PARVG: variants seen among roughly 807,000 people sequenced by gnomAD.
PARVG encodes gamma-parvin.
In PARVG, 36 loss-of-function variants were observed where a neutral mutation model predicts 44.4. That is an observed-to-expected ratio of 0.81 (90% CI 0.62 to 1.07). The LOEUF (loss-of-function observed/expected upper bound fraction) is 1.07, where lower values mean the gene tolerates loss of function less well. Among genes scored for constraint, PARVG ranks in the 50% least tolerant of loss-of-function variants. The pLI is 0.00. For missense variants in PARVG, 407 were observed against 407.4 expected, an observed-to-expected ratio of 1.00 and a Z score of 0.01; for synonymous variants, 170 against 174.1, an observed-to-expected ratio of 0.98 and a Z score of 0.19.
intron 3 of PARVG, chr22:44,185,264 C>T (rs559623457): frequency 6.4e-6 from 1 of 155,210 alleles, no homozygotes; most frequent in Non-Finnish European, 1.4e-5. Context: ...CCCCATGTAC[C>T]TTGGAACTAG....
At chr22:44,191,946 C>T in intron 7 of PARVG, 103 bp from the exon 8 acceptor site, 4 of 1,297,344 alleles carry the variant, frequency 3.1e-6, no homozygotes, top group Admixed American at 1.8e-5. Flanking sequence ...AAGCCAGAGG[C>T]TGTCCTGAGG....
intron 6 of PARVG, among the ~76,000 whole-genome samples, chr22:44,189,730 A>C (rs1391005928): frequency 2.0e-5 from 3 of 152,198 alleles, no homozygotes; most frequent in African/African-American, 7.2e-5. Context: ...CAGCCTGGTC[A>C]ACATGGTGAA....
chr22:44,190,226 T>A (rs900859575), intron 6 of PARVG, among the ~76,000 whole-genome samples: 7 of 152,196 alleles, frequency 4.6e-5, no homozygotes, highest in Non-Finnish European at 8.8e-5. Context: ...GCAGCTGAAA[T>A]CTAATGATCG....
chr22:44,200,846 C>G (rs1307570446), intron 12 of PARVG, among the ~76,000 whole-genome samples: 1 of 151,952 alleles, frequency 6.6e-6, no homozygotes, highest in African/African-American at 2.4e-5. Flanking sequence ...CCCTACCAGA[C>G]TCCCCCTCCA....
At chr22:44,186,654 C>G (rs1384171090) in intron 4 of PARVG, 2 of 471,048 alleles carry the variant, frequency 4.2e-6, no homozygotes, top group African/African-American at 4.0e-5. Context: ...GAGGTGCTGA[C>G]ATGTCGTCTC....
rs201109135 is a variant in PARVG, at chr22:44,183,395, G to A, written c.66G>A (p.Glu22=). Residue 22 remains glutamate, a synonymous_variant, in exon 3 of 14, where the codon GAG becomes GAA. Coordinates refer to ENST00000444313, the MANE Select transcript of PARVG (RefSeq NM_022141.7). ...AGGGGGTGGAGCCCCCAGCGGAGGA[G>A]GAGCTCTCAAAAGGTGTGTGCCCAC... is the stretch of plus-strand genomic sequence containing the variant. The part of the protein sequence containing the change: ...LPKGVEPPAE[E]ELSKGGKKKY... 8.1e-6 allele frequency: 13 copies of A among 1,604,970 alleles called. No homozygotes were observed. The highest frequency in any genetic ancestry group is 1.1e-5 in the Non-Finnish European group (13 of 1,177,342).
chr22:44,186,201 C>G, intron 4 of PARVG: 1 of 306,048 alleles, frequency 3.3e-6, no homozygotes, highest in Non-Finnish European at 6.6e-6. Flanking sequence ...GTCAGGGGCA[C>G]GCAGCTGCCC....
At position 44,181,735 on chromosome 22, in the gene PARVG, G is replaced by A. The variant is rs1020900207; in HGVS notation, c.-188-7G>A. On this transcript the variant is annotated splice_polypyrimidine_tract_variant and splice_region_variant and intron_variant, in intron 1 of 13. Coordinates refer to ENST00000444313, the MANE Select transcript of PARVG (RefSeq NM_022141.7). ...ACGGCATCCACCCCCCTCGGGCCCT[G>A]CCGCAGAGAGGAGGAAGCTCCTGCC... 6 of 985,316 alleles carry A rather than the reference G, an allele frequency of 6.1e-6. No homozygotes were observed. The highest frequency in any genetic ancestry group is 1.1e-4 in the East Asian group (1 of 8,814). The allele number at this position is 985,316 out of a possible 1,614,324, so 61.0% of individuals were successfully genotyped here.
intron 9 of PARVG, among the ~76,000 whole-genome samples, chr22:44,194,317 G>T (rs2054589056): frequency 6.6e-6 from 1 of 152,204 alleles, no homozygotes; most frequent in Non-Finnish European, 1.5e-5. Flanking sequence ...TCTTCTGACA[G>T]AGCTGTTCAC....
At chr22:44,188,320 GCAGGGGATGTGCATTCT>G in intron 5 of PARVG, 1 of 191,396 alleles carries the variant, frequency 5.2e-6, no homozygotes, top group Non-Finnish European at 1.1e-5. Context: ...AAGGGGCTTT[GCAGGGGATGTGCATTCT>G]CAGGGCCTCC....
At chr22:44,190,745 A>T in intron 7 of PARVG, 79 bp downstream of exon 7, 1 of 1,270,860 alleles carries the variant, frequency 7.9e-7, no homozygotes, top group South Asian at 1.2e-5. Context: ...GCATGGGTGG[A>T]GCTGGCTGGG....
At chr22:44,178,078 A>G (rs1449139020), upstream of PARVG, among the ~76,000 whole-genome samples, 1 of 152,058 alleles carries the variant, frequency 6.6e-6, no homozygotes, top group African/African-American at 2.4e-5. Flanking sequence ...ACCTTCCACC[A>G]TGACTGTGAG....
chr22:44,206,840 C>A lies in PARVG; in HGVS notation c.*414C>A. On this transcript the variant is annotated 3_prime_UTR_variant, in exon 14 of 14. Coordinates refer to ENST00000444313, the MANE Select transcript of PARVG (RefSeq NM_022141.7). ...CCCACAGCCCCAGACCCCACCTTTTCCAGCCCAGCTCCCCACACCCACCTG... is the reference window on the plus strand; with the variant it reads ...CCCACAGCCCCAGACCCCACCTTTTACAGCCCAGCTCCCCACACCCACCTG... 1 of 200,494 alleles carries A rather than the reference C, an allele frequency of 5.0e-6. No individual in the cohort carries two copies. The highest frequency in any genetic ancestry group is 1.0e-5 in the Non-Finnish European group (1 of 99,712). 12.4% of individuals were successfully genotyped at this position (200,494 alleles called of 1,614,324 possible).
rs766545849 is a variant in PARVG at position 44,205,764 on chromosome 22, A to G, written c.821A>G (p.Asn274Ser). ...AGGGCCTTGTCATCATAGCTGCACA[A>G]CGTCACCCTGGCGCTGGAGCTGCTG... is the stretch of plus-strand genomic sequence containing the variant. Reference protein sequence around the residue: ...TPNSPAEMLHNVTLALELLKD... With the variant: ...TPNSPAEMLHSVTLALELLKD... Residue 274 changes from asparagine (N) to serine (S), a missense_variant, in exon 13 of 14, where the codon AAC becomes AGC. Physicochemically the swap from Asn to Ser is conservative, Grantham distance 46. Coordinates refer to ENST00000444313, the MANE Select transcript of PARVG (RefSeq NM_022141.7). The G allele has an allele frequency of 2.5e-6, 4 of 1,613,442 alleles. No individual in the cohort carries two copies. The African/African-American group carries it at 5.3e-5, about 22-fold the overall frequency.
intron 3 of PARVG, 76 bp from the exon 4 acceptor site, chr22:44,185,732 G>T (rs2054455539): frequency 7.5e-7 from 1 of 1,326,898 alleles, no homozygotes; most frequent in Non-Finnish European, 1.1e-6. Flanking sequence ...GCTGAAATCT[G>T]TGGGTGACCT....
At chr22:44,197,148 T>C (rs1036519264) in intron 11 of PARVG, among the ~76,000 whole-genome samples, 6 of 152,124 alleles carry the variant, frequency 3.9e-5, no homozygotes, top group Admixed American at 2.0e-4. Context: ...GGAGGGAGTC[T>C]GGTCCCAGAT....
intron 3 of PARVG, chr22:44,184,982 C>A (rs2054442747): frequency 6.6e-6 from 1 of 152,220 alleles, no homozygotes. Context: ...CAGGAAGGAG[C>A]AGCACCATAT....
intron 12 of PARVG, among the ~76,000 whole-genome samples, chr22:44,198,973 T>TCCACCCACCCACCCAC (rs2054665984): frequency 1.2e-4 from 4 of 34,626 alleles, no homozygotes; most frequent in Non-Finnish European, 1.1e-4. Flanking sequence ...CATCCATCCA[T>TCCACCCACCCACCCAC]CCATCCATCC....
intron 3 of PARVG, chr22:44,183,876 G>A (rs1049103884): frequency 1.1e-5 from 4 of 367,506 alleles, no homozygotes; most frequent in Admixed American, 4.6e-5. Flanking sequence ...CACGGACCAC[G>A]CAGCGATGCC....
Sources: gnomAD v4.1 joint callset for allele counts (sites outside exome capture counted in the v4.1 genomes callset) on GRCh38, gnomAD v4.1.1 for gene constraint, MANE v1.5 for transcripts, NCBI Gene and HGNC (gene_info 2026-07-23, HGNC 2026-07-21) for gene names.